The following MAGI2 variants were observed in gnomAD, a reference collection of about 807,000 sequenced individuals.
The protein encoded by MAGI2 is membrane associated guanylate kinase, WW and PDZ domain containing 2.
In MAGI2, 35 loss-of-function variants were observed where a neutral mutation model predicts 133.3. The observed-to-expected ratio is 0.26, with a 90% confidence interval of 0.20 to 0.35. The LOEUF is 0.35. Among genes scored for constraint, MAGI2 ranks in the 10% least tolerant of loss-of-function variants. The pLI is 1.00. For missense variants in MAGI2, 1,636 were observed against 1,863.4 expected, an observed-to-expected ratio of 0.88 and a Z score of 2.25; for synonymous variants, 729 against 710.6, an observed-to-expected ratio of 1.03 and a Z score of -0.41.
chr7:78,730,936 A>T (rs1442136881), intron 2 of MAGI2, among the ~76,000 whole-genome samples: 1 of 152,104 alleles, frequency 6.6e-6, no homozygotes, highest in Admixed American at 6.5e-5. Context: ...AACCTTAAAA[A>T]TCTCTCCTTA....
intron 6 of MAGI2, chr7:78,484,942 CT>C (rs1792827660): frequency 2.7e-5 from 1 of 36,928 alleles, no homozygotes; most frequent in South Asian, 1.5e-3. Context: ...TAAACAATTT[CT>C]ATTTCTTCTC....
At position 78,576,969 on chromosome 7, in the gene MAGI2, C is replaced by T. The variant is rs549719256; in HGVS notation, c.538+50151G>A. 5.6e-4 allele frequency among the ~76,000 whole-genome samples: 85 copies of T among 152,204 alleles called. No homozygotes were observed. The Middle Eastern group carries it at 0.014, about 24-fold the overall frequency. On this transcript the variant is annotated intron_variant, in intron 3 of 21. Transcript: ENST00000354212. Reference sequence around the variant, plus strand: ...ACAAGCAAGCAAACAAAACAAAAAACCCACACAACTTTGTTAAAACAAAGT... The same window carrying T: ...ACAAGCAAGCAAACAAAACAAAAAATCCACACAACTTTGTTAAAACAAAGT...
At chr7:78,441,422 C>T (rs764163042) in intron 6 of MAGI2, among the ~76,000 whole-genome samples, 59 of 152,002 alleles carry the variant, frequency 3.9e-4, no homozygotes, top group Non-Finnish European at 7.2e-4. Context: ...TTTCAATTTC[C>T]ACAGATACAT....
At chr7:79,042,221 A>C (rs1031057283) in intron 1 of MAGI2, among the ~76,000 whole-genome samples, 5 of 152,182 alleles carry the variant, frequency 3.3e-5, no homozygotes, top group African/African-American at 1.2e-4. Flanking sequence ...ATGAATGGCC[A>C]TTAAGGACAT....
chr7:78,703,923 C>T (rs1164834767), intron 2 of MAGI2, among the ~76,000 whole-genome samples: 1 of 76,518 alleles, frequency 1.3e-5, no homozygotes, highest in East Asian at 6.3e-4. Flanking sequence ...TAAAAATCAA[C>T]TCGTTAGATT....
At chr7:78,786,964 G>T (rs2774054) in intron 2 of MAGI2, among the ~76,000 whole-genome samples, 123,984 of 149,452 alleles carry the variant, frequency 0.83, 51,888 homozygotes, top group Non-Finnish European at 0.9. Flanking sequence ...TCCTTTTTTT[G>T]TTTTTAGACA....
At chr7:79,451,817 A>G (rs1354840634) in intron 1 of MAGI2, among the ~76,000 whole-genome samples, 2 of 152,214 alleles carry the variant, frequency 1.3e-5, no homozygotes, top group Non-Finnish European at 2.9e-5. Context: ...CCCTTATGCT[A>G]ATATGCCTGT....
At chr7:78,792,807 T>C (rs908308201) in intron 2 of MAGI2, among the ~76,000 whole-genome samples, 3 of 152,220 alleles carry the variant, frequency 2.0e-5, no homozygotes, top group Non-Finnish European at 2.9e-5. Context: ...TGTAGGTCTG[T>C]AGGCATGAAT....
At chr7:79,234,979 A>T (rs1192615607) in intron 1 of MAGI2, among the ~76,000 whole-genome samples, 1 of 151,594 alleles carries the variant, frequency 6.6e-6, no homozygotes, top group Non-Finnish European at 1.5e-5. Context: ...TTTGGTGTGG[A>T]TGTCCTTTCT....
At chr7:78,300,933 T>C (rs1324859246) in intron 9 of MAGI2, among the ~76,000 whole-genome samples, 1 of 152,200 alleles carries the variant, frequency 6.6e-6, no homozygotes, top group Non-Finnish European at 1.5e-5. Context: ...AAGAGGATGG[T>C]AGCCAAAACA....
At chr7:78,683,523 G>T (rs1815924426) in intron 2 of MAGI2, among the ~76,000 whole-genome samples, 1 of 152,078 alleles carries the variant, frequency 6.6e-6, no homozygotes, top group Non-Finnish European at 1.5e-5. Flanking sequence ...AGTTAGAAAA[G>T]GGATACAATT....
chr7:79,002,997 A>C (rs1807047395), intron 2 of MAGI2, among the ~76,000 whole-genome samples: 1 of 150,616 alleles, frequency 6.6e-6, no homozygotes, highest in Non-Finnish European at 1.5e-5. Context: ...GTCCTTGTTT[A>C]TGGGGCATGG....
intron 1 of MAGI2, among the ~76,000 whole-genome samples, chr7:79,136,084 A>AGAAAGAGAAAGAAAGAAG (rs1821504598): frequency 7.1e-6 from 1 of 140,974 alleles, no homozygotes; most frequent in African/African-American, 2.8e-5. Context: ...AAAGAAAGAA[A>AGAAAGAGAAAGAAAGAAG]GAAAGAAAGA....
intron 1 of MAGI2, among the ~76,000 whole-genome samples, chr7:79,154,637 T>A (rs1173066582): frequency 2.6e-5 from 4 of 151,924 alleles, no homozygotes; most frequent in Admixed American, 2.0e-4. Flanking sequence ...CATAGAAGAG[T>A]TTTAAGCTGG....
At chr7:78,820,947 T>C (rs372137823) in intron 2 of MAGI2, among the ~76,000 whole-genome samples, 3 of 152,038 alleles carry the variant, frequency 2.0e-5, no homozygotes, top group African/African-American at 4.8e-5. Context: ...TTAATTGGGA[T>C]ACAACATGTC....
chr7:78,283,192 TA>T (rs1250007973), intron 9 of MAGI2, among the ~76,000 whole-genome samples: 3 of 152,128 alleles, frequency 2.0e-5, no homozygotes, highest in African/African-American at 7.2e-5. Flanking sequence ...TTGAATATTC[TA>T]AAACTTAAGT....
chr7:78,951,703 C>T (rs192574295), intron 2 of MAGI2, among the ~76,000 whole-genome samples: 11 of 152,262 alleles, frequency 7.2e-5, no homozygotes, highest in Admixed American at 7.2e-4. Flanking sequence ...TTAACTTTCC[C>T]CTTTATCTCT....
intron 1 of MAGI2, among the ~76,000 whole-genome samples, chr7:79,352,457 T>C (rs1841755759): frequency 6.6e-6 from 1 of 152,174 alleles, no homozygotes; most frequent in African/African-American, 2.4e-5. Context: ...GAAGGTCTCT[T>C]AGAGGTCATG....
intron 2 of MAGI2, among the ~76,000 whole-genome samples, chr7:78,909,556 T>A (rs1798247664): frequency 7.9e-6 from 1 of 127,200 alleles, no homozygotes; most frequent in African/African-American, 3.1e-5. Flanking sequence ...TGAGCCGACA[T>A]CATGCCACTG....
Sources: gnomAD v4.1 joint callset for allele counts (sites outside exome capture counted in the v4.1 genomes callset) on GRCh38, gnomAD v4.1.1 for gene constraint, MANE v1.5 for transcripts, NCBI Gene and HGNC (gene_info 2026-07-23, HGNC 2026-07-21) for gene names.